PIK3R4: variants seen among roughly 807,000 people sequenced by gnomAD.
PIK3R4 encodes the protein phosphoinositide-3-kinase regulatory subunit 4, also known as phosphoinositide 3-kinase regulatory subunit 4.
In PIK3R4, 46 loss-of-function variants were observed where a neutral mutation model predicts 136.5. The ratio of observed to expected loss-of-function variants is 0.34; its 90% CI spans 0.27 to 0.43. The LOEUF (loss-of-function observed/expected upper bound fraction) is 0.43, where lower values mean the gene tolerates loss of function less well. PIK3R4 is among the 20% of genes least tolerant of loss of function. PIK3R4 has a pLI of 1.00. For synonymous variants in PIK3R4, 557 were observed against 566.7 expected, an observed-to-expected ratio of 0.98 and a Z score of 0.24; for missense variants, 1,331 against 1,649.5, an observed-to-expected ratio of 0.81 and a Z score of 3.35.
At chr3:130,683,993 G>A (rs2066473914) in intron 16 of PIK3R4, among the ~76,000 whole-genome samples, 1 of 152,066 alleles carries the variant, frequency 6.6e-6, no homozygotes, top group East Asian at 1.9e-4. Flanking sequence ...AACAAAAATA[G>A]GGGACACAGG....
intron 10 of PIK3R4, 38 bp from the exon 11 acceptor site, chr3:130,707,173 G>A (rs372820231): frequency 5.0e-5 from 74 of 1,478,820 alleles, no homozygotes; most frequent in Middle Eastern, 2.4e-4. Flanking sequence ...TCTGAAGGTA[G>A]CCTTTAAAAC....
chr3:130,680,054 C>CCAT (rs1448843653), intron 19 of PIK3R4, among the ~76,000 whole-genome samples: 3 of 124,748 alleles, frequency 2.4e-5, no homozygotes, highest in African/African-American at 1.0e-4. Flanking sequence ...CAGCAAGACT[C>CCAT]CATCTCAAAA....
chr3:130,681,166 G>A, intron 17 of PIK3R4, 101 bp from the exon 18 acceptor site: 3 of 756,988 alleles, frequency 4.0e-6, no homozygotes, highest in South Asian at 1.5e-5. Flanking sequence ...AGCTTTACAA[G>A]CACCTGGTTA....
At chr3:130,692,888 G>A (rs1488728600) in intron 13 of PIK3R4, among the ~76,000 whole-genome samples, 1 of 151,976 alleles carries the variant, frequency 6.6e-6, no homozygotes, top group East Asian at 1.9e-4. Flanking sequence ...CTTTTAAAGG[G>A]GTTTACAAAG....
chr3:130,682,694 T>C (rs1043888721), intron 16 of PIK3R4, among the ~76,000 whole-genome samples: 6 of 152,202 alleles, frequency 3.9e-5, no homozygotes, highest in Non-Finnish European at 7.3e-5. Context: ...TACTCTGCTG[T>C]TACCAGCCCA....
At chr3:130,679,965 C>A (rs1327399025) in intron 19 of PIK3R4, among the ~76,000 whole-genome samples, 1 of 150,532 alleles carries the variant, frequency 6.6e-6, no homozygotes, top group Non-Finnish European at 1.5e-5. Context: ...AGTCCCAGCT[C>A]CTCAGGAGGC....
rs562618447 is a variant in PIK3R4 at position 130,746,651 on chromosome 3, C to T, written c.-380G>A. ...GGGGACATGCGTTCCCGGGCCTCGT[C>T]TTCCTCTAGCGCGGATCGCTACACC... On this transcript the variant is annotated 5_prime_UTR_variant, in exon 1 of 20. Transcript: ENST00000356763. The T allele has an allele frequency of 2.0e-5, 3 of 152,430 alleles. No homozygotes were observed. In the East Asian group the frequency reaches 5.8e-4, roughly 29 times the overall value. 9.4% of individuals were successfully genotyped at this position (152,430 alleles called of 1,614,324 possible).
At chr3:130,691,947 TCACCACAA>T (rs2066522200) in intron 13 of PIK3R4, among the ~76,000 whole-genome samples, 1 of 144,858 alleles carries the variant, frequency 6.9e-6, no homozygotes, top group Non-Finnish European at 1.5e-5. Context: ...CGATCTGGGC[TCACCACAA>T]GCTCTGCCTC....
intron 19 of PIK3R4, 38 bp from the exon 20 acceptor site, chr3:130,679,523 A>C: frequency 6.7e-7 from 1 of 1,501,096 alleles, no homozygotes; most frequent in South Asian, 1.2e-5. Context: ...CAGAGGTTAA[A>C]AGTCTGTACC....
In PIK3R4 at chr3:130,718,501, C is replaced by G. The variant is rs770589427; in HGVS notation, c.2015G>C (p.Arg672Pro). The stretch of plus-strand genomic sequence containing the variant: ...TGTGATAAATCCCACGGCACCATAA[C>G]GTATCCATAAATTGGGATGACACAG... ...PFLCHPNLWI[R>P]YGAVGFITVV... Residue 672 changes from arginine (R) to proline (P), a missense_variant, in exon 8 of 20, where the codon CGT (arginine) becomes CCT (proline). Arg to Pro is a moderately radical substitution (Grantham distance 103). This residue lies in a region of PIK3R4 where 1,180 missense variants were observed against 1,407.0 expected (regional missense o/e 0.84). Coordinates refer to ENST00000356763, the MANE Select transcript of PIK3R4 (RefSeq NM_014602.3). 6.2e-7 allele frequency: 1 copy of G among 1,613,630 alleles called. No individual in the cohort carries two copies. The highest frequency in any genetic ancestry group is 8.5e-7 in the Non-Finnish European group (1 of 1,179,762).
At chr3:130,739,118 C>G (rs2066804234) in intron 2 of PIK3R4, among the ~76,000 whole-genome samples, 1 of 152,138 alleles carries the variant, frequency 6.6e-6, no homozygotes, top group Non-Finnish European at 1.5e-5. Flanking sequence ...ACTCTTTCAC[C>G]CAGGCCGGAC....
At position 130,723,463 on chromosome 3, in the gene PIK3R4, CT is replaced by C; in HGVS notation, c.1931del (p.Gln644ArgfsTer2). On this transcript the variant is annotated frameshift_variant, in exon 7 of 20. Transcript: ENST00000356763. LOFTEE classifies it high-confidence loss of function. The part of the protein sequence containing the change: ...KALYALTCMC[Q>X]LGLLQKPHVY... Reference sequence around the variant, plus strand: ...CATGGGGTTTTTGTAGCAGTCCTAACTGGCACATACAAGTAAGGGCATAAAG... The same window carrying C: ...CATGGGGTTTTTGTAGCAGTCCTAACGGCACATACAAGTAAGGGCATAAAG... The C allele has an allele frequency of 6.2e-7, 1 of 1,613,262 alleles. No homozygotes were observed. The highest frequency in any genetic ancestry group is 8.5e-7 in the Non-Finnish European group (1 of 1,179,568).
At chr3:130,704,034 G>A in intron 12 of PIK3R4, 146 bp from the exon 13 acceptor site, 1 of 594,788 alleles carries the variant, frequency 1.7e-6, no homozygotes, top group Non-Finnish European at 3.0e-6. Context: ...CCAATAAAGA[G>A]TGGTCTACTG....
At chr3:130,705,274 G>T (rs1455503254) in intron 12 of PIK3R4, among the ~76,000 whole-genome samples, 1 of 152,168 alleles carries the variant, frequency 6.6e-6, no homozygotes, top group Non-Finnish European at 1.5e-5. Context: ...TGAAAAAGTG[G>T]CAAGGCATTA....
intron 15 of PIK3R4, 105 bp downstream of exon 15, chr3:130,686,106 G>T: frequency 1.5e-6 from 1 of 671,164 alleles, no homozygotes. Context: ...AAAAAGACGG[G>T]AAAAATTACC....
chr3:130,686,532 G>T, intron 14 of PIK3R4, 110 bp from the exon 15 acceptor site: 1 of 665,990 alleles, frequency 1.5e-6, no homozygotes, highest in Non-Finnish European at 2.6e-6. Context: ...AGAGCTATGT[G>T]ACTCTATCAA....
chr3:130,699,611 T>C (rs888285155), intron 13 of PIK3R4, among the ~76,000 whole-genome samples: 1 of 152,206 alleles, frequency 6.6e-6, no homozygotes, highest in Non-Finnish European at 1.5e-5. Context: ...TGTTAGCTGA[T>C]TTCCAAAGTT....
At chr3:130,735,112 C>A (rs532403995) in intron 3 of PIK3R4, among the ~76,000 whole-genome samples, 1 of 152,304 alleles carries the variant, frequency 6.6e-6, no homozygotes, top group Admixed American at 6.5e-5. Flanking sequence ...TCATCCAGTG[C>A]ACTGTTCAAT....
intron 2 of PIK3R4, among the ~76,000 whole-genome samples, chr3:130,740,148 T>A (rs991049069): frequency 1.3e-5 from 2 of 152,030 alleles, no homozygotes; most frequent in Non-Finnish European, 2.9e-5. Flanking sequence ...CTAAAATGTA[T>A]AAAAATGATT....
Sources: gnomAD v4.1 joint callset for allele counts (sites outside exome capture counted in the v4.1 genomes callset) on GRCh38, gnomAD v4.1.1 for gene constraint, gnomAD v4.1.1 regional missense constraint, MANE v1.5 for transcripts, NCBI Gene and HGNC (gene_info 2026-07-23, HGNC 2026-07-21) for gene names.